Variants in MYO5B observed in about 807,000 individuals in gnomAD.
MYO5B encodes unconventional myosin-Vb.
Under a neutral mutation model 229.3 loss-of-function variants are expected in MYO5B, and 143 were observed. That is an observed-to-expected ratio of 0.62 (90% CI 0.54 to 0.72). The LOEUF is 0.72. Among genes scored for constraint, MYO5B ranks in the 30% least tolerant of loss-of-function variants. MYO5B has a pLI of 0.00. For synonymous variants in MYO5B, 918 were observed against 885.2 expected (o/e 1.04, Z -0.66); for missense variants, 2,321 against 2,331.0 (o/e 1.00, Z 0.09).
chr18:50,061,896 G>C (rs1322657257), intron 1 of MYO5B, among the ~76,000 whole-genome samples: 5 of 152,162 alleles, frequency 3.3e-5, no homozygotes, highest in Non-Finnish European at 2.9e-5. Context: ...TTAAGTATTT[G>C]AGTCATTTCA....
intron 4 of MYO5B, among the ~76,000 whole-genome samples, chr18:50,002,151 G>A (rs1226355223): frequency 6.6e-6 from 1 of 151,988 alleles, no homozygotes; most frequent in Non-Finnish European, 1.5e-5. Flanking sequence ...TCAAAAACAT[G>A]GATCTTTTCT....
intron 17 of MYO5B, among the ~76,000 whole-genome samples, chr18:49,919,092 C>A (rs2025048019): frequency 6.6e-6 from 1 of 152,190 alleles, no homozygotes. Flanking sequence ...TTGCCTTCCT[C>A]AATGGTCAAT....
chr18:49,940,718 G>T (rs1318238054), intron 14 of MYO5B, among the ~76,000 whole-genome samples: 2 of 152,182 alleles, frequency 1.3e-5, no homozygotes, highest in Non-Finnish European at 2.9e-5. Flanking sequence ...AAAGCAACTT[G>T]TATGAATTCC....
At chr18:49,836,986 ATTAT>A (rs1184639254) in intron 37 of MYO5B, 101 bp from the exon 38 acceptor site, 1 of 1,126,326 alleles carries the variant, frequency 8.9e-7, no homozygotes, top group African/African-American at 1.5e-5. Context: ...AGCTAGTGCC[ATTAT>A]TTATCTCACA....
intron 1 of MYO5B, among the ~76,000 whole-genome samples, chr18:50,164,654 G>A (rs2032817952): frequency 6.6e-6 from 1 of 152,092 alleles, no homozygotes; most frequent in Non-Finnish European, 1.5e-5. Context: ...ATAGGTAAAT[G>A]TGTGTCATGG....
At chr18:49,895,545 T>G (rs141920180) in intron 21 of MYO5B, among the ~76,000 whole-genome samples, 12 of 148,618 alleles carry the variant, frequency 8.1e-5, no homozygotes, top group Admixed American at 2.0e-4. Flanking sequence ...CTTCACTTTT[T>G]AGGTTTCTTT....
At chr18:49,881,048 G>A (rs997899655) in intron 22 of MYO5B, among the ~76,000 whole-genome samples, 2 of 152,178 alleles carry the variant, frequency 1.3e-5, no homozygotes, top group Non-Finnish European at 2.9e-5. Context: ...AATACGAAGG[G>A]AGCTAAAAGC....
At chr18:49,984,486 G>A (rs1008844560) in intron 8 of MYO5B, among the ~76,000 whole-genome samples, 1 of 152,210 alleles carries the variant, frequency 6.6e-6, no homozygotes, top group African/African-American at 2.4e-5. Flanking sequence ...GCCTGGGAGA[G>A]GGACTCTCAT....
At chr18:50,072,860 T>G (rs1208854343) in intron 1 of MYO5B, among the ~76,000 whole-genome samples, 1 of 151,274 alleles carries the variant, frequency 6.6e-6, no homozygotes, top group Non-Finnish European at 1.5e-5. Context: ...AGAAGAGAAC[T>G]TGGCCTGCAA....
chr18:49,906,814 C>G (rs1228344916), intron 18 of MYO5B, among the ~76,000 whole-genome samples, 184 bp from the exon 19 acceptor site: 2 of 152,196 alleles, frequency 1.3e-5, no homozygotes, highest in East Asian at 1.9e-4. Context: ...GGGCCAGACT[C>G]TAGAACATGG....
At chr18:49,968,525 C>T (rs1359109042) in intron 10 of MYO5B, among the ~76,000 whole-genome samples, 2 of 149,712 alleles carry the variant, frequency 1.3e-5, no homozygotes, top group African/African-American at 2.4e-5. Context: ...GGTCCGGGTG[C>T]TGGGGTGATT....
chr18:50,129,906 C>T (rs2144545165), intron 1 of MYO5B, among the ~76,000 whole-genome samples: 1 of 152,324 alleles, frequency 6.6e-6, no homozygotes, highest in African/African-American at 2.4e-5. Flanking sequence ...ACATGAAGTG[C>T]TTCTTTAGAC....
chr18:49,990,808 G>A (rs893839045), intron 6 of MYO5B, among the ~76,000 whole-genome samples: 8 of 152,184 alleles, frequency 5.3e-5, no homozygotes, highest in African/African-American at 1.9e-4. Flanking sequence ...CAAATGGTGA[G>A]TCAGTCAATC....
In MYO5B at chr18:49,922,980, T is replaced by C. The variant is rs34996076; in HGVS notation, c.2090+6532A>G. 5.7e-3 allele frequency among the ~76,000 whole-genome samples: 871 copies of C among 152,216 alleles called. 13 individuals carry two copies. Among genetic ancestry groups the C allele is most frequent in the African/African-American group, 0.02 (840 of 41,530 alleles). ...ATTTTCCACGTGGGTCTAAAGACTTTGGGGAAATGCATTCTTTTAGCTGCT... is the reference window on the plus strand; with the variant it reads ...ATTTTCCACGTGGGTCTAAAGACTTCGGGGAAATGCATTCTTTTAGCTGCT... On this transcript the variant is annotated intron_variant, in intron 17 of 39. Transcript: ENST00000285039.
intron 4 of MYO5B, among the ~76,000 whole-genome samples, chr18:50,017,772 A>G (rs771564761): frequency 6.6e-6 from 1 of 152,244 alleles, no homozygotes; most frequent in Non-Finnish European, 1.5e-5. Flanking sequence ...GACACAGCAT[A>G]CTGTTCAGAA....
At chr18:50,193,834 G>A (rs926862259) in intron 1 of MYO5B, among the ~76,000 whole-genome samples, 6 of 152,190 alleles carry the variant, frequency 3.9e-5, no homozygotes, top group African/African-American at 1.4e-4. Flanking sequence ...AAACTCGAGG[G>A]GTCCCGGGCG....
At chr18:50,029,997 C>T (rs1466480475) in intron 4 of MYO5B, among the ~76,000 whole-genome samples, 1 of 152,186 alleles carries the variant, frequency 6.6e-6, no homozygotes, top group East Asian at 1.9e-4. Context: ...AACAAACCAC[C>T]TTATGCCAAA....
chr18:49,957,933 C>T (rs3901040), intron 12 of MYO5B, among the ~76,000 whole-genome samples: 4,043 of 152,092 alleles, frequency 0.027, 209 homozygotes, highest in East Asian at 0.23. Flanking sequence ...CCAGCTGGCC[C>T]CCCCCAGGAC....
chr18:49,987,408 C>T (rs997844342), intron 7 of MYO5B, among the ~76,000 whole-genome samples: 9 of 152,274 alleles, frequency 5.9e-5, no homozygotes, highest in South Asian at 4.1e-4. Flanking sequence ...TTTCCTGGAT[C>T]GCAGCCCTCC....
Sources: allele counts gnomAD v4.1 joint callset (sites outside exome capture counted in the v4.1 genomes callset), GRCh38; gene constraint gnomAD v4.1.1; transcripts MANE v1.5; gene names NCBI Gene and HGNC (gene_info 2026-07-23, HGNC 2026-07-21).